SCN2A: variants seen among roughly 807,000 people sequenced by gnomAD.
SCN2A encodes sodium channel protein type 2 subunit alpha.
In SCN2A, 20 loss-of-function variants were observed where a neutral mutation model predicts 188.7. That is an observed-to-expected ratio of 0.11 (90% CI 0.07 to 0.15). The LOEUF (loss-of-function observed/expected upper bound fraction) is 0.15. Ranked by LOEUF, SCN2A falls within the 10% of genes least tolerant of loss-of-function variation. SCN2A has a pLI of 1.00. For missense variants in SCN2A, 1,278 were observed against 2,445.0 expected (o/e 0.52, Z 10.07); for synonymous variants, 804 against 833.1 (o/e 0.97, Z 0.60).
intron 25 of SCN2A, among the ~76,000 whole-genome samples, chr2:165,385,801 C>T (rs996988516): frequency 8.6e-5 from 13 of 151,648 alleles, no homozygotes; most frequent in African/African-American, 1.9e-4. Context: ...AGAAATCAGA[C>T]GAAAAATTTA....
chr2:165,383,772 T>A (rs1333548915), intron 25 of SCN2A, among the ~76,000 whole-genome samples: 1 of 152,152 alleles, frequency 6.6e-6, no homozygotes, highest in African/African-American at 2.4e-5. Flanking sequence ...CCAACAAGAA[T>A]GACTGGTGTC....
At chr2:165,348,767 A>G (rs919376960) in intron 16 of SCN2A, among the ~76,000 whole-genome samples, 7 of 152,184 alleles carry the variant, frequency 4.6e-5, no homozygotes, top group African/African-American at 1.4e-4. Flanking sequence ...CAATCTCATG[A>G]TTATTGGAAG....
chr2:165,319,470 G>C (rs1697957060), intron 11 of SCN2A, among the ~76,000 whole-genome samples: 1 of 152,144 alleles, frequency 6.6e-6, no homozygotes, highest in South Asian at 2.1e-4. Flanking sequence ...TAATTCTTTA[G>C]CTGGAAAGAA....
At chr2:165,360,152 A>T (rs538591436) in intron 17 of SCN2A, among the ~76,000 whole-genome samples, 12 of 152,056 alleles carry the variant, frequency 7.9e-5, no homozygotes, top group South Asian at 2.1e-4. Context: ...AATATCTACT[A>T]ATTATGTTTT....
At chr2:165,299,040 G>C (rs558648812) in intron 3 of SCN2A, among the ~76,000 whole-genome samples, 34 of 152,058 alleles carry the variant, frequency 2.2e-4, no homozygotes, top group African/African-American at 7.7e-4. Flanking sequence ...TTTTACAAAA[G>C]CAGATTTTTG....
At chr2:165,245,539 C>G (rs1018705610) in intron 1 of SCN2A, 2 of 152,216 alleles carry the variant, frequency 1.3e-5, no homozygotes, top group African/African-American at 2.4e-5. Context: ...CACTATGTCT[C>G]CCCTGGATTG....
At chr2:165,290,661 G>A (rs951535738) in intron 1 of SCN2A, 6 of 413,436 alleles carry the variant, frequency 1.5e-5, no homozygotes, top group East Asian at 1.6e-4. Context: ...GTATATTGCT[G>A]AGCACATCTG....
At chr2:165,325,046 C>T (rs1300908635) in intron 12 of SCN2A, among the ~76,000 whole-genome samples, 1 of 152,172 alleles carries the variant, frequency 6.6e-6, no homozygotes, top group East Asian at 1.9e-4. Context: ...TGGGAATCTT[C>T]TTCCTTAACA....
chr2:165,260,622 A>G (rs1386354159), intron 1 of SCN2A, among the ~76,000 whole-genome samples: 1 of 152,172 alleles, frequency 6.6e-6, no homozygotes, highest in South Asian at 2.1e-4. Context: ...TGCATGGAGG[A>G]TTCGTTCCAG....
intron 14 of SCN2A, among the ~76,000 whole-genome samples, chr2:165,332,389 G>GT (rs1698739228): frequency 6.6e-6 from 1 of 152,038 alleles, no homozygotes; most frequent in Non-Finnish European, 1.5e-5. Flanking sequence ...GTTGGCATAT[G>GT]TTGGCCTCTT....
rs931775723 is a variant in SCN2A, at chr2:165,342,208, A to C, written c.2389-88A>C. The C allele has an allele frequency of 4.7e-6, 6 of 1,266,722 alleles. No homozygotes were observed. The East Asian group carries it at 1.4e-4, about 30-fold the overall frequency. 78.5% of individuals were successfully genotyped at this position (1,266,722 alleles called of 1,614,324 possible). A position where few individuals can be genotyped will look rare whatever the true frequency, so the allele number is the denominator to read the frequency against. On this transcript the variant is annotated intron_variant, in intron 14 of 26. Coordinates refer to ENST00000375437, the MANE Select transcript of SCN2A (RefSeq NM_001040142.2). ...ATTTTTTAAAATCAGAATTTAATTT[A>C]TATTTGTTGGGAGTAAATTAAGTTG...
chr2:165,329,010 G>A, intron 13 of SCN2A, among the ~76,000 whole-genome samples: 1 of 41,776 alleles, frequency 2.4e-5, no homozygotes, highest in South Asian at 6.5e-4. Context: ...TTTTTTTTTT[G>A]GTTTCTGATA....
intron 11 of SCN2A, among the ~76,000 whole-genome samples, chr2:165,318,649 A>G (rs755958202): frequency 7.3e-4 from 111 of 152,242 alleles, no homozygotes; most frequent in Non-Finnish European, 1.3e-3. Context: ...ATGCAAACTT[A>G]TAACTTATTT....
At chr2:165,279,917 A>G (rs952125519) in intron 1 of SCN2A, among the ~76,000 whole-genome samples, 6 of 152,102 alleles carry the variant, frequency 3.9e-5, no homozygotes, top group African/African-American at 1.4e-4. Context: ...GTCTCATAAG[A>G]TCCGATGGTT....
At chr2:165,369,747 G>A (rs1420483367) in intron 19 of SCN2A, among the ~76,000 whole-genome samples, 1 of 152,100 alleles carries the variant, frequency 6.6e-6, no homozygotes, top group African/African-American at 2.4e-5. Context: ...TGTAGGCTGA[G>A]GGACCTCCCT....
chr2:165,280,358 CATT>C (rs760248756), intron 1 of SCN2A, among the ~76,000 whole-genome samples: 1 of 152,124 alleles, frequency 6.6e-6, no homozygotes, highest in Non-Finnish European at 1.5e-5. Flanking sequence ...CTCTTGTTCT[CATT>C]AGTAAAATAA....
chr2:165,371,961 ATATT>A (rs1188742761), intron 20 of SCN2A: 1 of 152,192 alleles, frequency 6.6e-6, no homozygotes, highest in Non-Finnish European at 1.5e-5. Context: ...ATAAAACTGA[ATATT>A]TTACAACTTC....
intron 1 of SCN2A, among the ~76,000 whole-genome samples, chr2:165,280,875 T>G (rs1695555405): frequency 6.6e-6 from 1 of 152,196 alleles, no homozygotes; most frequent in Non-Finnish European, 1.5e-5. Context: ...GACATGTAGT[T>G]TACATTGCAA....
In SCN2A at chr2:165,250,489, T is replaced by TCACA. The variant is rs3029614; in HGVS notation, c.-52+10878_-52+10881dup. ...GGAAACGGTGCCCTCTTGCTCTATT[T>TCACA]CACACACACACACACACACACACAC... is the stretch of plus-strand genomic sequence containing the variant. On this transcript the variant is annotated intron_variant, in intron 1 of 26. Transcript: ENST00000375437. 7.2e-3 allele frequency among the ~76,000 whole-genome samples: 1,068 copies of TCACA among 148,298 alleles called. 11 individuals are homozygous for TCACA. Among genetic ancestry groups the TCACA allele is most frequent in the Non-Finnish European group, 9.1e-3 (609 of 66,802 alleles).
Sources: allele counts gnomAD v4.1 joint callset (sites outside exome capture counted in the v4.1 genomes callset), GRCh38; gene constraint gnomAD v4.1.1; transcripts MANE v1.5; gene names NCBI Gene and HGNC (gene_info 2026-07-23, HGNC 2026-07-21).